The following FHDC1 variants were observed in gnomAD, a reference collection of about 807,000 sequenced individuals.
FHDC1 encodes the protein FH2 domain containing 1, also known as FH2 domain-containing protein 1.
In FHDC1, 25 loss-of-function variants were observed where a neutral mutation model predicts 52.6. The ratio of observed to expected loss-of-function variants is 0.48; its 90% CI spans 0.35 to 0.66. FHDC1 has a LOEUF of 0.66. Ranked by LOEUF, FHDC1 falls within the 30% of genes least tolerant of loss-of-function variation. The pLI is 0.01. For missense variants in FHDC1, 1,459 were observed against 1,452.8 expected, an observed-to-expected ratio of 1.00 and a Z score of -0.07; for synonymous variants, 616 against 581.5, an observed-to-expected ratio of 1.06 and a Z score of -0.85.
At chr4:152,923,199 T>A in the FHDC1 span, among the ~76,000 whole-genome samples, 1 of 152,246 alleles carries the variant, frequency 6.6e-6, no homozygotes, top group East Asian at 1.9e-4. Flanking sequence ...TCACAAGCAT[T>A]CTTATACACC....
At chr4:152,926,579 TA>T in the FHDC1 span, among the ~76,000 whole-genome samples, 992 of 128,932 alleles carry the variant, frequency 7.7e-3, 1 homozygote, top group Middle Eastern at 0.015. Flanking sequence ...CTTGGTTAGT[TA>T]AAAAAAAAAA....
Position 152,975,416 on chromosome 4 carries a change from G to T in FHDC1, c.2125G>T (p.Val709Leu). 6.2e-7 allele frequency: 1 copy of T among 1,613,576 alleles called. No homozygotes were observed. Among genetic ancestry groups the T allele is most frequent in the Non-Finnish European group, 8.5e-7 (1 of 1,180,038 alleles). ...CTTCAGCCCGATGGAGCTAGAGTCT[G>T]TGGGGCATAGGGGCCCGCAGTCCCT... ...SDFSPMELES[V>L]GHRGPQSLSA... The change falls in exon 12 of 12, where the codon GTG (valine) becomes TTG (leucine). Residue 709 changes from valine (V) to leucine (L), a missense_variant. By Grantham distance (32) the Val-to-Leu change is conservative. Transcript: ENST00000511601.
At chr4:152,961,797 A>G (rs1430025717) in intron 6 of FHDC1, among the ~76,000 whole-genome samples, 1 of 152,214 alleles carries the variant, frequency 6.6e-6, no homozygotes, top group African/African-American at 2.4e-5. Context: ...ACTAAGAAGG[A>G]AAAAGATTTT....
At chr4:152,915,189 G>T in the FHDC1 span, among the ~76,000 whole-genome samples, 1 of 152,094 alleles carries the variant, frequency 6.6e-6, no homozygotes, top group African/African-American at 2.4e-5. Context: ...AAAGCACGGG[G>T]TAGGCTGTCT....
At chr4:152,948,340 A>C (rs992170015) in intron 2 of FHDC1, among the ~76,000 whole-genome samples, 3 of 152,240 alleles carry the variant, frequency 2.0e-5, no homozygotes, top group Non-Finnish European at 4.4e-5. Flanking sequence ...GTCGCAAAGG[A>C]CAAATACTGT....
At position 152,974,672 on chromosome 4, in the gene FHDC1, C is replaced by T. The variant is rs750342215; in HGVS notation, c.1384-3C>T. On this transcript the variant is annotated splice_polypyrimidine_tract_variant and splice_region_variant and intron_variant, in intron 11 of 11. Transcript: ENST00000511601. ...CATCTTCGGGCTTCTCTCCATCCCTCAGGACAACCACGACCGGGAGGCGCA... is the reference window on the plus strand; with the variant it reads ...CATCTTCGGGCTTCTCTCCATCCCTTAGGACAACCACGACCGGGAGGCGCA... 2.3e-5 allele frequency: 35 copies of T among 1,508,182 alleles called. No individual in the cohort carries two copies. The East Asian group carries it at 6.2e-4, about 27-fold the overall frequency. 93.4% of individuals were successfully genotyped at this position (1,508,182 alleles called of 1,614,324 possible).
chr4:152,960,488 G>T, intron 4 of FHDC1, 77 bp from the exon 5 acceptor site: 2 of 1,217,078 alleles, frequency 1.6e-6, no homozygotes, highest in Non-Finnish European at 2.4e-6. Context: ...TAGAAGAATT[G>T]GAAGATGAAA....
rs375851817 is a variant in FHDC1, at chr4:152,975,959, T to G, written c.2668T>G (p.Ser890Ala). The part of the protein sequence containing the change: ...ARRSQGAVAK[S>A]VRTLTASENE... ...GCGGAGCCAGGGGGCAGTGGCCAAG[T>G]CTGTGCGGACCCTGACCGCCTCAGA... The change falls in exon 12 of 12, where the codon TCT becomes GCT. Residue 890 changes from serine (S) to alanine (A), a missense_variant. Around this residue, in one of 3 missense-constraint regions of FHDC1, gnomAD observed 939 missense variants for 854.5 expected, o/e 1.10. Transcript: ENST00000511601. 63 of 1,518,624 alleles carry G rather than the reference T, an allele frequency of 4.1e-5. No homozygotes were observed. The African/African-American group carries it at 8.1e-4, about 19-fold the overall frequency. 94.1% of individuals were successfully genotyped at this position (1,518,624 alleles called of 1,614,324 possible). A position where few individuals can be genotyped will look rare whatever the true frequency, so the allele number is the denominator to read the frequency against.
chr4:152,968,930 T>G (rs1740549510), intron 10 of FHDC1, among the ~76,000 whole-genome samples: 1 of 152,156 alleles, frequency 6.6e-6, no homozygotes, highest in African/African-American at 2.4e-5. Context: ...ACATGAGAGC[T>G]GTGCCCGTCA....
chr4:152,935,429 T>C (rs1316720457), upstream of FHDC1, among the ~76,000 whole-genome samples: 1 of 152,148 alleles, frequency 6.6e-6, no homozygotes, highest in East Asian at 1.9e-4. Context: ...GACTACTTGC[T>C]TCTCACTGGC....
chr4:152,915,152 T>C, the FHDC1 span, among the ~76,000 whole-genome samples: 1 of 152,232 alleles, frequency 6.6e-6, no homozygotes, highest in South Asian at 2.1e-4. Flanking sequence ...TATATACTTA[T>C]TATGACTAGA....
chr4:152,913,138 C>T, the FHDC1 span, among the ~76,000 whole-genome samples: 2 of 152,094 alleles, frequency 1.3e-5, no homozygotes, highest in African/African-American at 2.4e-5. Context: ...CCATTTCAAC[C>T]GCATAATTAA....
chr4:152,957,920 A>G (rs925833), intron 4 of FHDC1, among the ~76,000 whole-genome samples: 1 of 151,702 alleles, frequency 6.6e-6, no homozygotes, highest in African/African-American at 2.4e-5. Context: ...GCCAGGGAAC[A>G]CCCCCACCAC....
chr4:152,940,265 G>T (rs983865828), intron 1 of FHDC1, among the ~76,000 whole-genome samples: 1 of 152,200 alleles, frequency 6.6e-6, no homozygotes, highest in East Asian at 1.9e-4. Context: ...ATTAGAAGCC[G>T]TTGGGGGGCT....
At position 152,974,922 on chromosome 4, in the gene FHDC1, G is replaced by A; in HGVS notation, c.1631G>A (p.Gly544Asp). Residue 544 changes from glycine to aspartate, a missense_variant, in exon 12 of 12, where the codon GGT becomes GAT. By Grantham distance (94) the Gly-to-Asp change is moderately conservative. Transcript: ENST00000511601. ...PNTRRSRLSL[G>D]PSADRELLTF... Reference sequence around the variant, plus strand: ...ACCCGCCGCTCCCGCCTCTCCCTGGGTCCCTCTGCTGACCGGGAGCTGCTG... The same window carrying A: ...ACCCGCCGCTCCCGCCTCTCCCTGGATCCCTCTGCTGACCGGGAGCTGCTG... 6.2e-7 allele frequency: 1 copy of A among 1,612,158 alleles called. No homozygotes were observed. Among genetic ancestry groups the A allele is most frequent in the Non-Finnish European group, 8.5e-7 (1 of 1,179,790 alleles).
At chr4:152,939,433 C>G (rs939102536) in intron 1 of FHDC1, among the ~76,000 whole-genome samples, 2 of 152,022 alleles carry the variant, frequency 1.3e-5, no homozygotes, top group Non-Finnish European at 2.9e-5. Flanking sequence ...CGCGCCTGGC[C>G]GAGACTAGAA....
At chr4:152,936,580 C>T (rs1739385928) in intron 1 of FHDC1, among the ~76,000 whole-genome samples, 171 bp downstream of exon 1, 1 of 152,216 alleles carries the variant, frequency 6.6e-6, no homozygotes, top group African/African-American at 2.4e-5. Flanking sequence ...CGAGCCTCAC[C>T]GGGAAAGCTG....
chr4:152,938,015 C>T (rs1739450817), intron 1 of FHDC1, among the ~76,000 whole-genome samples: 1 of 152,136 alleles, frequency 6.6e-6, no homozygotes, highest in Non-Finnish European at 1.5e-5. Flanking sequence ...CCAGGACCCC[C>T]CAGGCCGAAT....
chr4:152,965,070 AG>A (rs1740417034), intron 9 of FHDC1, 95 bp downstream of exon 9: 2 of 1,234,378 alleles, frequency 1.6e-6, no homozygotes, highest in South Asian at 2.9e-5. Context: ...GAAGTCTAAA[AG>A]GTTTTGTTTC....
Sources: gnomAD v4.1 joint callset for allele counts (sites outside exome capture counted in the v4.1 genomes callset) on GRCh38, gnomAD v4.1.1 for gene constraint, gnomAD v4.1.1 regional missense constraint, MANE v1.5 for transcripts, NCBI Gene and HGNC (gene_info 2026-07-23, HGNC 2026-07-21) for gene names.